Variants in PLCG2 observed in about 807,000 individuals in gnomAD.
The protein encoded by PLCG2 is 1-phosphatidylinositol 4,5-bisphosphate phosphodiesterase gamma-2.
A neutral mutation model predicts 175.6 loss-of-function variants in PLCG2; 69 were observed. The ratio of observed to expected loss-of-function variants is 0.39; its 90% CI spans 0.32 to 0.48. The LOEUF is 0.48. PLCG2 is among the 20% of genes least tolerant of loss of function. PLCG2 has a pLI of 0.91. For synonymous variants in PLCG2, 827 were observed against 624.0 expected (o/e 1.33, Z -4.85); for missense variants, 1,798 against 1,650.9 (o/e 1.09, Z -1.54).
chr16:81,802,733 A>G (rs1047473526), intron 2 of PLCG2, among the ~76,000 whole-genome samples: 7 of 151,844 alleles, frequency 4.6e-5, no homozygotes, highest in South Asian at 2.1e-4. Flanking sequence ...CACCACGCCC[A>G]GCTGATTTTG....
intron 22 of PLCG2, among the ~76,000 whole-genome samples, chr16:81,924,503 C>T (rs763537730): frequency 1.3e-5 from 2 of 152,220 alleles, no homozygotes; most frequent in African/African-American, 4.8e-5. Flanking sequence ...GAAACTGAAG[C>T]CTTCAGAAGT....
intron 2 of PLCG2, among the ~76,000 whole-genome samples, chr16:81,830,916 C>G (rs8047437): frequency 0.84 from 127,325 of 151,928 alleles, 53,465 homozygotes; most frequent in East Asian, 0.93. Flanking sequence ...ACAGGCACTG[C>G]GGGTCATGAG....
rs538102193 is a variant in PLCG2 at position 81,923,697 on chromosome 16, C to T, written c.2417+103C>T. The T allele has an allele frequency of 5.9e-4, 409 of 688,762 alleles. No homozygotes were observed. In the African/African-American group the frequency reaches 6.7e-3, roughly 11 times the overall value. The allele number at this position is 688,762 out of a possible 1,614,324, so 42.7% of individuals were successfully genotyped here. On this transcript the variant is annotated intron_variant, in intron 22 of 32. Transcript: ENST00000564138. Reference sequence around the variant, plus strand: ...GCCAAGTCTGACCCCCTTTGTCATCCTGGGCTGGCTTTGACCTCTTGTGTT... The same window carrying T: ...GCCAAGTCTGACCCCCTTTGTCATCTTGGGCTGGCTTTGACCTCTTGTGTT...
chr16:81,852,874 C>A (rs542451943), intron 2 of PLCG2, among the ~76,000 whole-genome samples: 2 of 152,224 alleles, frequency 1.3e-5, no homozygotes, highest in African/African-American at 4.8e-5. Context: ...TGGCTGGGGG[C>A]TCAGCTGGGC....
At chr16:81,934,383 T>C in intron 25 of PLCG2, 46 bp from the exon 26 acceptor site, 1 of 1,197,628 alleles carries the variant, frequency 8.3e-7, no homozygotes. Flanking sequence ...GCTGGGAAGA[T>C]GGGATTTCTC....
In PLCG2 at chr16:81,958,535, G is replaced by A. The variant is rs1224052939; in HGVS notation, c.*537G>A. 10 of 231,440 alleles carry A rather than the reference G, an allele frequency of 4.3e-5. No homozygotes were observed. Among genetic ancestry groups the A allele is most frequent in the Admixed American group, 1.7e-4 (3 of 17,796 alleles). The allele number at this position is 231,440 out of a possible 1,614,324, so 14.3% of individuals were successfully genotyped here. On this transcript the variant is annotated 3_prime_UTR_variant, in exon 33 of 33. Transcript: ENST00000564138. ...AGTTCAATGTACTTTAACTACCACC[G>A]GCTGCCTGCTGCAGTCCACAAGAAA...
chr16:81,811,073 C>T (rs1904314965), intron 2 of PLCG2, among the ~76,000 whole-genome samples: 1 of 152,110 alleles, frequency 6.6e-6, no homozygotes, highest in South Asian at 2.1e-4. Flanking sequence ...CATGAGTGTG[C>T]ACTTCCTGGA....
chr16:81,937,945 C>T (rs4606713), intron 28 of PLCG2, 42 bp downstream of exon 28: 9 of 1,602,080 alleles, frequency 5.6e-6, no homozygotes, highest in South Asian at 1.1e-5. Context: ...GCCAGCCGCC[C>T]TCCCTGGGGG....
At position 81,804,617 on chromosome 16, in the gene PLCG2, G is replaced by A. The variant is rs369385259; in HGVS notation, c.193+18435G>A. 1.5e-3 allele frequency among the ~76,000 whole-genome samples: 232 copies of A among 152,298 alleles called. 2 individuals are homozygous for A. Among genetic ancestry groups the A allele is most frequent in the African/African-American group, 5.2e-3 (214 of 41,548 alleles). The stretch of plus-strand genomic sequence containing the variant: ...ACCTGTCTTAGTTCCCTCAGTAGAT[G>A]TTTGTCCAAATGTTGCGGTGAAGCA... On this transcript the variant is annotated intron_variant, in intron 2 of 32. Coordinates refer to ENST00000564138, the MANE Select transcript of PLCG2 (RefSeq NM_002661.5).
At chr16:81,879,524 C>T (rs559770025) in intron 7 of PLCG2, among the ~76,000 whole-genome samples, 2 of 152,298 alleles carry the variant, frequency 1.3e-5, no homozygotes, top group South Asian at 2.1e-4. Flanking sequence ...TGATGCTTCT[C>T]AGAGGCCTGC....
intron 19 of PLCG2, among the ~76,000 whole-genome samples, chr16:81,912,986 G>A (rs559819025): frequency 7.5e-4 from 114 of 152,362 alleles, no homozygotes; most frequent in African/African-American, 2.2e-3. Context: ...CATGATCCGT[G>A]TTTCTCAGAG....
At chr16:81,814,759 A>G (rs1185655989) in intron 2 of PLCG2, among the ~76,000 whole-genome samples, 4 of 152,032 alleles carry the variant, frequency 2.6e-5, no homozygotes, top group African/African-American at 9.7e-5. Context: ...CAAGGACCCA[A>G]GGCTTTTGTC....
At chr16:81,860,176 T>TA (rs200511055) in intron 5 of PLCG2, among the ~76,000 whole-genome samples, 3,083 of 138,980 alleles carry the variant, frequency 0.022, 36 homozygotes, top group Middle Eastern at 0.037. Context: ...ATTATTATTT[T>TA]TTTTTTTTTT....
At chr16:81,861,030 A>G (rs1422689729) in intron 5 of PLCG2, among the ~76,000 whole-genome samples, 1 of 152,060 alleles carries the variant, frequency 6.6e-6, no homozygotes, top group African/African-American at 2.4e-5. Flanking sequence ...ACCCACCACG[A>G]CAAGAAAAAA....
chr16:81,741,731 A>T lies in PLCG2; in HGVS notation c.-145+2346A>T, dbSNP rs563582452. On this transcript the variant is annotated intron_variant, in intron 1 of 5. Coordinates refer to the PLCG2 transcript ENST00000565054. ...GAGGCTGAGGCAAGAGAATCGCTTG[A>T]ACCCGGGAGGCAGAGGTTGCAGTGA... Among the ~76,000 whole-genome samples, 8 of 152,246 alleles carry T rather than the reference A, an allele frequency of 5.3e-5. No homozygotes were observed. In the South Asian group the frequency reaches 1.5e-3, roughly 28 times the overall value.
intron 2 of PLCG2, among the ~76,000 whole-genome samples, chr16:81,850,703 A>C (rs545661666): frequency 6.6e-6 from 1 of 152,278 alleles, no homozygotes; most frequent in East Asian, 1.9e-4. Context: ...AGCATGTAGA[A>C]GCGGGGAACT....
At chr16:81,895,665 G>C in intron 12 of PLCG2, 142 bp from the exon 13 acceptor site, 1 of 835,120 alleles carries the variant, frequency 1.2e-6, no homozygotes, top group Non-Finnish European at 1.9e-6. Context: ...TACAGGGAAA[G>C]CCATGTCCTC....
chr16:81,823,186 G>T (rs531391376), intron 2 of PLCG2, among the ~76,000 whole-genome samples: 3 of 152,236 alleles, frequency 2.0e-5, no homozygotes, highest in African/African-American at 7.2e-5. Flanking sequence ...CTTCTGATCT[G>T]GATGGATTGT....
rs1907482921 is a variant in PLCG2, at chr16:81,870,895, A to G, written c.608A>G (p.His203Arg). The G allele has an allele frequency of 6.2e-7, 1 of 1,604,386 alleles. No homozygotes were observed. Among genetic ancestry groups the G allele is most frequent in the Non-Finnish European group, 8.5e-7 (1 of 1,175,034 alleles). ...HKDELSFEQF[H>R]LFYKKLMFEQ... The stretch of plus-strand genomic sequence containing the variant: ...GATGAGCTCAGCTTTGAACAGTTCC[A>G]TCTCTTCTATAAAAAACTTATGTTT... The change falls in exon 7 of 33, where the codon CAT (histidine) becomes CGT (arginine). Residue 203 changes from histidine to arginine, a missense_variant. By Grantham distance (29) the His-to-Arg change is conservative. Coordinates refer to ENST00000564138, the MANE Select transcript of PLCG2 (RefSeq NM_002661.5).
Sources: allele counts gnomAD v4.1 joint callset (sites outside exome capture counted in the v4.1 genomes callset), GRCh38; gene constraint gnomAD v4.1.1; transcripts MANE v1.5; gene names NCBI Gene and HGNC (gene_info 2026-07-23, HGNC 2026-07-21).